CCNY: variants seen among roughly 807,000 people sequenced by gnomAD.
The protein encoded by CCNY is cyclin Y.
Under a neutral mutation model 42.8 loss-of-function variants are expected in CCNY, and 19 were observed. The ratio of observed to expected loss-of-function variants is 0.44; its 90% CI spans 0.31 to 0.65. The LOEUF is 0.65. Among genes scored for constraint, CCNY ranks in the 30% least tolerant of loss-of-function variants. The probability of loss-of-function intolerance (pLI) is 0.07; values close to 1 mark genes in which losing one functional copy is unlikely to be tolerated. For synonymous variants in CCNY, 165 were observed against 162.7 expected (o/e 1.01, Z -0.11); for missense variants, 370 against 437.3 (o/e 0.85, Z 1.37).
intron 1 of CCNY, among the ~76,000 whole-genome samples, chr10:35,369,439 T>C (rs1836881373): frequency 6.6e-6 from 1 of 152,238 alleles, no homozygotes; most frequent in Non-Finnish European, 1.5e-5. Flanking sequence ...ACAGCTGTTT[T>C]TGTAATCCCT....
intron 3 of CCNY, among the ~76,000 whole-genome samples, chr10:35,507,789 C>T (rs1158243391): frequency 1.5e-5 from 1 of 67,184 alleles, no homozygotes; most frequent in Non-Finnish European, 4.1e-5. Context: ...GAATACAGGG[C>T]CAGTTTTTTT....
chr10:35,378,634 G>C (rs913309091), intron 1 of CCNY, among the ~76,000 whole-genome samples: 4 of 152,086 alleles, frequency 2.6e-5, no homozygotes, highest in African/African-American at 9.7e-5. Context: ...TGTTGGGCGA[G>C]GGAGATGAAG....
At position 35,558,002 on chromosome 10, in the gene CCNY, TC is replaced by T. The variant is rs1841393978; in HGVS notation, c.746+4818del. On this transcript the variant is annotated intron_variant, in intron 8 of 9. Coordinates refer to ENST00000374704, the MANE Select transcript of CCNY (RefSeq NM_145012.6). ...TTTGAGGAGTTTTATTATAGTAGTG[TC>T]ACTCAAGTCTTAAAACAGTTTTTGA... Among the ~76,000 whole-genome samples, 85 of 152,312 alleles carry T rather than the reference TC, an allele frequency of 5.6e-4. 2 individuals are homozygous for T. In the South Asian group the frequency reaches 0.017, roughly 31 times the overall value.
chr10:35,287,761 C>A (rs1382779414), intron 3 of CCNY, among the ~76,000 whole-genome samples: 2 of 151,908 alleles, frequency 1.3e-5, no homozygotes, highest in African/African-American at 4.8e-5. Context: ...TTTGGTTTGT[C>A]TTCAGGTTTT....
At chr10:35,458,356 T>C (rs1429369846) in intron 1 of CCNY, among the ~76,000 whole-genome samples, 1 of 152,350 alleles carries the variant, frequency 6.6e-6, no homozygotes, top group East Asian at 1.9e-4. Context: ...CTTTTTTCAG[T>C]TTACTTGTTC....
At chr10:35,345,421 G>A (rs1333306882) in intron 1 of CCNY, among the ~76,000 whole-genome samples, 1 of 149,896 alleles carries the variant, frequency 6.7e-6, no homozygotes, top group Admixed American at 6.7e-5. Flanking sequence ...GTGAACCGAG[G>A]TAGCGCCACT....
At chr10:35,275,564 C>A (rs1354183853) in intron 3 of CCNY, among the ~76,000 whole-genome samples, 2 of 151,744 alleles carry the variant, frequency 1.3e-5, no homozygotes, top group Non-Finnish European at 2.9e-5. Flanking sequence ...GAGATCAAGA[C>A]CATCCCGGCT....
At chr10:35,565,978 T>G in intron 8 of CCNY, 45 bp from the exon 9 acceptor site, 2 of 1,574,532 alleles carry the variant, frequency 1.3e-6, no homozygotes, top group East Asian at 4.5e-5. Context: ...CCACGTGGCC[T>G]GGTGTGGCAG....
chr10:35,283,954 C>A (rs888831979), intron 3 of CCNY, among the ~76,000 whole-genome samples: 5 of 151,942 alleles, frequency 3.3e-5, no homozygotes, highest in Admixed American at 1.3e-4. Context: ...CTTGGTGGCA[C>A]ATACCTGTAG....
intron 1 of CCNY, among the ~76,000 whole-genome samples, chr10:35,367,462 A>G (rs1027067734): frequency 2.0e-5 from 3 of 152,204 alleles, no homozygotes; most frequent in African/African-American, 7.2e-5. Flanking sequence ...TGCTCAATAG[A>G]TATTAGTTAT....
chr10:35,483,376 C>G (rs1839716384), intron 1 of CCNY, 28 bp from the exon 2 acceptor site: 1 of 1,435,518 alleles, frequency 7.0e-7, no homozygotes, highest in East Asian at 2.3e-5. Context: ...ATGGTTTATT[C>G]ATATAATTTA....
rs1016419877 is a variant in CCNY at position 35,478,829 on chromosome 10, G to A, written c.155-4575G>A. On this transcript the variant is annotated intron_variant, in intron 1 of 9. Transcript: ENST00000374704. ...TAAAGAGCTTCTGCACAGCAAAATA[G>A]ACTACCATCAGAGTGAACAGGCAAC... is the stretch of plus-strand genomic sequence containing the variant. Among the ~76,000 whole-genome samples, 56 of 152,212 alleles carry A rather than the reference G, an allele frequency of 3.7e-4. No individual in the cohort carries two copies. In the South Asian group the frequency reaches 9.8e-3, roughly 27 times the overall value.
chr10:35,327,621 G>T (rs1191598989), intron 3 of CCNY: 2 of 152,158 alleles, frequency 1.3e-5, no homozygotes, highest in African/African-American at 4.8e-5. Context: ...ATATTACAAT[G>T]TTCACTTTTA....
At chr10:35,400,985 A>G (rs1239528008) in intron 1 of CCNY, among the ~76,000 whole-genome samples, 3 of 152,240 alleles carry the variant, frequency 2.0e-5, no homozygotes. Context: ...GACTTTCTCA[A>G]ATGTACACTT....
chr10:35,394,467 C>T (rs527553004), intron 1 of CCNY, among the ~76,000 whole-genome samples: 3 of 152,172 alleles, frequency 2.0e-5, no homozygotes, highest in East Asian at 1.9e-4. Context: ...GAGTAACTCA[C>T]ATTTGTTTAA....
In CCNY at chr10:35,530,158, A is replaced by G. The variant is rs1376888369; in HGVS notation, c.494A>G (p.Asn165Ser). 6.2e-7 allele frequency: 1 copy of G among 1,614,172 alleles called. No homozygotes were observed. Among genetic ancestry groups the G allele is most frequent in the Admixed American group, 1.7e-5 (1 of 60,020 alleles). ...SEVPPDYDKH[N>S]PEQKQIYRFV... ...GTGCCACCAGATTATGACAAACACA[A>G]CCCAGAGCAGAAGCAGATTTACCGG... The change falls in exon 7 of 10, where the codon AAC (asparagine) becomes AGC (serine). Residue 165 changes from asparagine to serine, a missense_variant. Physicochemically the swap from Asn to Ser is conservative, Grantham distance 46. Around this residue, in one of 2 missense-constraint regions of CCNY, gnomAD observed 234 missense variants for 313.1 expected, o/e 0.75. Transcript: ENST00000374704. This position sits in a 1 kb window ranked among gnomAD's most constrained non-coding sequence, Gnocchi z 4.3.
At chr10:35,545,877 C>T (rs921099010) in intron 7 of CCNY, among the ~76,000 whole-genome samples, 1 of 152,012 alleles carries the variant, frequency 6.6e-6, no homozygotes. Context: ...AAAAAGAATC[C>T]AAATGTGAAA....
chr10:35,357,172 T>TCCTGCC (rs538749134), intron 1 of CCNY, among the ~76,000 whole-genome samples: 9,961 of 148,058 alleles, frequency 0.067, 693 homozygotes, highest in African/African-American at 0.17. Context: ...CAGCCCCTGC[T>TCCTGCC]CCTGCCCCTG....
chr10:35,525,529 A>G (rs1446063719), intron 4 of CCNY, among the ~76,000 whole-genome samples: 2 of 152,250 alleles, frequency 1.3e-5, no homozygotes, highest in Non-Finnish European at 2.9e-5. Context: ...GAAAAATAGC[A>G]GACTTCTTGG....
Sources: allele counts gnomAD v4.1 joint callset (sites outside exome capture counted in the v4.1 genomes callset), GRCh38; gene constraint gnomAD v4.1.1; regional missense constraint gnomAD v4.1.1; non-coding constraint Gnocchi (gnomAD v3.1); transcripts MANE v1.5; gene names NCBI Gene and HGNC (gene_info 2026-07-23, HGNC 2026-07-21).